MMP26: variants seen among roughly 807,000 people sequenced by gnomAD.
The protein encoded by MMP26 is matrix metalloproteinase-26.
MMP26 carries 33 observed loss-of-function variants against 31.0 expected under a neutral mutation model. The observed-to-expected ratio is 1.06, with a 90% confidence interval of 0.81 to 1.42. MMP26 has a LOEUF of 1.42. MMP26 is among the 40% of genes most tolerant of loss of function. The pLI, the probability that MMP26 is intolerant of heterozygous loss-of-function variation, is 0.00. For synonymous variants in MMP26, 122 were observed against 114.9 expected (o/e 1.06, Z -0.40); for missense variants, 347 against 316.1 (o/e 1.10, Z -0.74).
chr11:4,740,400 G>A (rs887108790), intron 1 of MMP26, among the ~76,000 whole-genome samples: 1 of 152,000 alleles, frequency 6.6e-6, no homozygotes, highest in Admixed American at 6.6e-5. Flanking sequence ...ATAATATTTT[G>A]GGGCTGGGGG....
chr11:4,846,907 A>G (rs1849878192), intron 2 of MMP26, among the ~76,000 whole-genome samples: 1 of 152,176 alleles, frequency 6.6e-6, no homozygotes, highest in African/African-American at 2.4e-5. Flanking sequence ...ATTTGTTATA[A>G]TTCTCACTGG....
At position 4,981,280 on chromosome 11, in the gene MMP26, A is replaced by G. The variant is rs569360156; in HGVS notation, c.-144-6788A>G. On this transcript the variant is annotated intron_variant, in intron 2 of 7. Coordinates refer to ENST00000380390, the MANE Select transcript of MMP26 (RefSeq NM_021801.5). Reference sequence around the variant, plus strand: ...TGTCATACAACGCTTAATGATAGAGATACTCATTCTGAGAAATGCATTGTC... The same window carrying G: ...TGTCATACAACGCTTAATGATAGAGGTACTCATTCTGAGAAATGCATTGTC... 9.3e-4 allele frequency among the ~76,000 whole-genome samples: 141 copies of G among 152,234 alleles called. 2 individuals are homozygous for G. Among genetic ancestry groups the G allele is most frequent in the Non-Finnish European group, 8.8e-5 (6 of 67,992 alleles).
chr11:4,989,736 G>T lies in MMP26; in HGVS notation c.188G>T (p.Arg63Leu). The T allele has an allele frequency of 1.2e-6, 2 of 1,613,982 alleles. No homozygotes were observed. The highest frequency in any genetic ancestry group is 1.7e-6 in the Non-Finnish European group (2 of 1,180,030). The change falls in exon 4 of 8, where the codon CGG becomes CTG. Residue 63 changes from arginine (R) to leucine (L), a missense_variant. Coordinates refer to ENST00000380390, the MANE Select transcript of MMP26 (RefSeq NM_021801.5). The stretch of plus-strand genomic sequence containing the variant: ...ACACAGCTCCTGCAACAATTCCATC[G>T]GAATGGGACAGACCTACTTGACATG... ...TQTQLLQQFH[R>L]NGTDLLDMQM... is the part of the protein sequence containing the mutation.
intron 1 of MMP26, among the ~76,000 whole-genome samples, chr11:4,764,048 A>T (rs949432971): frequency 6.6e-6 from 1 of 152,154 alleles, no homozygotes; most frequent in African/African-American, 2.4e-5. Context: ...GTAAGATTTT[A>T]ATGTTTATTA....
chr11:4,991,929 T>A (rs1406142403), intron 6 of MMP26, 35 bp from the exon 7 acceptor site: 5 of 1,527,044 alleles, frequency 3.3e-6, no homozygotes, highest in Non-Finnish European at 3.5e-6. Context: ...CTATGCATAG[T>A]TAATTTTATC....
chr11:4,819,420 T>G lies in MMP26; in HGVS notation c.-145+52079T>G, dbSNP rs962250488. On this transcript the variant is annotated intron_variant, in intron 2 of 7. Coordinates refer to ENST00000380390, the MANE Select transcript of MMP26 (RefSeq NM_021801.5). ...AGAGGGGGGAAAGAAACAAGAAAAC[T>G]GAAACAGTCAGAGAAAGAGCTGATT... Among the ~76,000 whole-genome samples the G allele has an allele frequency of 4.0e-5, 6 of 151,458 alleles. No individual in the cohort carries two copies. In the East Asian group the frequency reaches 1.2e-3, roughly 29 times the overall value.
chr11:4,928,619 A>G (rs1030232569), intron 2 of MMP26, among the ~76,000 whole-genome samples: 1 of 152,072 alleles, frequency 6.6e-6, no homozygotes, highest in African/African-American at 2.4e-5. Context: ...TGGTTTCCCA[A>G]CCAGTTTTAG....
At chr11:4,749,952 C>A (rs1156490098) in intron 1 of MMP26, among the ~76,000 whole-genome samples, 1 of 152,084 alleles carries the variant, frequency 6.6e-6, no homozygotes, top group Non-Finnish European at 1.5e-5. Context: ...AACTATGAAG[C>A]TTCTGCCCAG....
intron 2 of MMP26, chr11:4,908,252 A>T: frequency 6.2e-7 from 1 of 1,614,060 alleles, no homozygotes; most frequent in African/African-American, 1.3e-5. Flanking sequence ...CTGTGTAAAG[A>T]CTCGACAAAT....
At chr11:4,856,929 C>A (rs948900177) in intron 2 of MMP26, among the ~76,000 whole-genome samples, 1 of 152,082 alleles carries the variant, frequency 6.6e-6, no homozygotes, top group Non-Finnish European at 1.5e-5. Flanking sequence ...CACTCAAAAC[C>A]GCACAACTAC....
chr11:4,954,991 A>G lies in MMP26; in HGVS notation c.-144-33077A>G, dbSNP rs374500118. The G allele has an allele frequency of 4.2e-5, 58 of 1,375,770 alleles. 7 individuals carry two copies. The highest frequency in any genetic ancestry group is 3.4e-4 in the South Asian group (29 of 84,940). The allele number at this position is 1,375,770 out of a possible 1,614,324, so 85.2% of individuals were successfully genotyped here. ...TCACTGCACAGATGTGTGAAACACA[A>G]GTATTGAGAGCCTTAAGCTCCTCCT... On this transcript the variant is annotated intron_variant, in intron 2 of 7. Coordinates refer to ENST00000380390, the MANE Select transcript of MMP26 (RefSeq NM_021801.5).
chr11:4,727,447 C>CAA, intron 1 of MMP26, among the ~76,000 whole-genome samples: 1 of 151,842 alleles, frequency 6.6e-6, no homozygotes, highest in Admixed American at 6.6e-5. Context: ...TTTTTATGGC[C>CAA]ATATTTGAAA....
intron 2 of MMP26, among the ~76,000 whole-genome samples, chr11:4,922,407 G>T (rs889862778): frequency 2.6e-5 from 4 of 151,982 alleles, no homozygotes; most frequent in African/African-American, 9.7e-5. Context: ...GAGTTACTAA[G>T]TTCACTCCCT....
chr11:4,805,439 T>G (rs1035245865), intron 2 of MMP26, among the ~76,000 whole-genome samples: 1 of 152,210 alleles, frequency 6.6e-6, no homozygotes, highest in Admixed American at 6.5e-5. Context: ...AAAGTAACCA[T>G]AGTCAACACA....
chr11:4,794,281 C>T (rs1849074502), intron 2 of MMP26: 1 of 152,150 alleles, frequency 6.6e-6, no homozygotes, highest in Admixed American at 6.5e-5. Flanking sequence ...ACACACTCAC[C>T]TGTCCAAACC....
chr11:4,849,204 G>A (rs1189583283), intron 2 of MMP26: 1 of 1,607,446 alleles, frequency 6.2e-7, no homozygotes, highest in East Asian at 2.2e-5. Context: ...TGGTAATGTT[G>A]ACATAGTTCA....
chr11:4,868,770 A>C (rs950170151), intron 2 of MMP26, among the ~76,000 whole-genome samples: 4 of 152,210 alleles, frequency 2.6e-5, no homozygotes, highest in Admixed American at 6.5e-5. Context: ...GATAATACTA[A>C]GCCAAAAGAA....
At chr11:4,950,525 A>T (rs1181156867) in intron 2 of MMP26, among the ~76,000 whole-genome samples, 1 of 119,714 alleles carries the variant, frequency 8.4e-6, no homozygotes, top group African/African-American at 2.8e-5. Flanking sequence ...GATGATGGGG[A>T]TGGGGGGAGT....
chr11:4,747,502 C>G (rs1028840254), intron 1 of MMP26, among the ~76,000 whole-genome samples: 2 of 152,078 alleles, frequency 1.3e-5, no homozygotes, highest in Non-Finnish European at 2.9e-5. Flanking sequence ...ATAGAGAAGT[C>G]AGAAAGAGAG....
Sources: allele counts gnomAD v4.1 joint callset (sites outside exome capture counted in the v4.1 genomes callset), GRCh38; gene constraint gnomAD v4.1.1; transcripts MANE v1.5; gene names NCBI Gene and HGNC (gene_info 2026-07-23, HGNC 2026-07-21).